RAF1: variants seen among roughly 807,000 people sequenced by gnomAD.
The protein encoded by RAF1 is Raf-1 proto-oncogene, serine/threonine kinase.
Under a neutral mutation model 81.1 loss-of-function variants are expected in RAF1, and 27 were observed. The ratio of observed to expected loss-of-function variants is 0.33; its 90% CI spans 0.25 to 0.46. The LOEUF is 0.46. Ranked by LOEUF, RAF1 falls within the 20% of genes least tolerant of loss-of-function variation. RAF1 has a pLI of 1.00. For synonymous variants in RAF1, 298 were observed against 294.0 expected (o/e 1.01, Z -0.14); for missense variants, 598 against 826.0 (o/e 0.72, Z 3.38).
At chr3:12,659,104 C>G (rs71306015) in intron 1 of RAF1, among the ~76,000 whole-genome samples, 1 of 152,026 alleles carries the variant, frequency 6.6e-6, no homozygotes, top group Non-Finnish European at 1.5e-5. Context: ...ACTTACAACT[C>G]TAAGGCAAGA....
chr3:12,655,010 C>CT (rs1453861144), intron 1 of RAF1, among the ~76,000 whole-genome samples: 102 of 149,348 alleles, frequency 6.8e-4, no homozygotes, highest in African/African-American at 2.1e-3. Flanking sequence ...ACCCCCCCCC[C>CT]GCCATCTCTA....
chr3:12,652,475 C>G (rs1248399052), intron 1 of RAF1, among the ~76,000 whole-genome samples: 1 of 151,934 alleles, frequency 6.6e-6, no homozygotes, highest in Non-Finnish European at 1.5e-5. Context: ...GAGCCAAGTT[C>G]GCACCACTGC....
rs779001930 is a variant in RAF1, at chr3:12,618,691, T to C, written c.31A>G (p.Ile11Val). 1.2e-6 allele frequency: 2 copies of C among 1,614,194 alleles called. No individual in the cohort carries two copies. The highest frequency in any genetic ancestry group is 8.5e-7 in the Non-Finnish European group (1 of 1,180,030). Residue 11 changes from isoleucine to valine, a missense_variant, in exon 2 of 18, where the codon ATC becomes GTC. Around this residue, in one of 5 missense-constraint regions of RAF1, gnomAD observed 83 missense variants for 72.3 expected, o/e 1.15. Coordinates refer to ENST00000442415, the MANE Select transcript of RAF1 (RefSeq NM_001354689.3). ...TCTTTGAATCCAAAACCATTGCTGA[T>C]CGTCTTCCAAGCTCCCTGTATGTGC...
At chr3:12,632,319 C>T (rs897468936) in intron 1 of RAF1, among the ~76,000 whole-genome samples, 33 of 80,566 alleles carry the variant, frequency 4.1e-4, no homozygotes, top group South Asian at 2.5e-3. Flanking sequence ...GGCAAAACTC[C>T]GTCTCAAAAA....
chr3:12,631,051 A>G (rs5746182), intron 1 of RAF1, among the ~76,000 whole-genome samples: 32,174 of 152,036 alleles, frequency 0.21, 3,662 homozygotes, highest in African/African-American at 0.29. Context: ...CAGGCTCACT[A>G]ACTCATGCCT....
At chr3:12,593,445 TCTCC>T (rs1194816526) in intron 11 of RAF1, among the ~76,000 whole-genome samples, 2 of 150,282 alleles carry the variant, frequency 1.3e-5, no homozygotes, top group African/African-American at 4.9e-5. Context: ...GCCCAAACTG[TCTCC>T]CTGTGATCTC....
intron 1 of RAF1, among the ~76,000 whole-genome samples, chr3:12,646,085 CTT>C (rs2060339454): frequency 6.6e-6 from 1 of 152,084 alleles, no homozygotes; most frequent in Non-Finnish European, 1.5e-5. Flanking sequence ...TTTTTTATAA[CTT>C]ATCCTTTCTT....
At chr3:12,638,984 G>A (rs1356510581) in intron 1 of RAF1, among the ~76,000 whole-genome samples, 1 of 151,514 alleles carries the variant, frequency 6.6e-6, no homozygotes, top group South Asian at 2.1e-4. Flanking sequence ...AACCAGCCTT[G>A]CATCCCAGGG....
At chr3:12,607,679 G>A (rs1211025685) in intron 5 of RAF1, among the ~76,000 whole-genome samples, 3 of 151,842 alleles carry the variant, frequency 2.0e-5, no homozygotes, top group East Asian at 1.9e-4. Context: ...AAGGCTGGGC[G>A]TGGTGGCTCA....
intron 1 of RAF1, among the ~76,000 whole-genome samples, chr3:12,627,246 A>G (rs2059731753): frequency 6.6e-6 from 1 of 152,182 alleles, no homozygotes; most frequent in African/African-American, 2.4e-5. Context: ...TCAGAAGCCT[A>G]CAATTTACTT....
intron 6 of RAF1, 125 bp from the exon 7 acceptor site, chr3:12,604,414 A>G (rs894411930): frequency 1.6e-5 from 17 of 1,031,316 alleles, no homozygotes; most frequent in Non-Finnish European, 2.4e-5. Context: ...CTTTGACAAA[A>G]TGTTTGATTC....
chr3:12,596,194 CTTTTTTTTTT>C (rs10575214), intron 11 of RAF1, among the ~76,000 whole-genome samples: 1 of 117,292 alleles, frequency 8.5e-6, no homozygotes, highest in African/African-American at 3.2e-5. Context: ...ATTTTTCTTT[CTTTTTTTTTT>C]TTTTTTTTGA....
chr3:12,626,940 C>T (rs531234908), intron 1 of RAF1, among the ~76,000 whole-genome samples: 47 of 149,192 alleles, frequency 3.2e-4, no homozygotes, highest in African/African-American at 1.0e-3. Flanking sequence ...AGGAGAATCG[C>T]TTGAACCCAG....
At chr3:12,645,461 A>T (rs1305783517) in intron 1 of RAF1, among the ~76,000 whole-genome samples, 1 of 152,206 alleles carries the variant, frequency 6.6e-6, no homozygotes, top group East Asian at 1.9e-4. Context: ...AGATACTCAG[A>T]CTTTACATCT....
intron 1 of RAF1, among the ~76,000 whole-genome samples, chr3:12,651,671 C>T (rs1244592437): frequency 7.2e-6 from 1 of 139,158 alleles, no homozygotes; most frequent in African/African-American, 2.6e-5. Context: ...AAAAAAGATA[C>T]ACGAATTGAT....
intron 1 of RAF1, among the ~76,000 whole-genome samples, chr3:12,631,801 G>A (rs1382650432): frequency 6.6e-6 from 1 of 152,156 alleles, no homozygotes; most frequent in Non-Finnish European, 1.5e-5. Context: ...TAAGCATGAA[G>A]GATGGGGATC....
intron 1 of RAF1, among the ~76,000 whole-genome samples, chr3:12,648,974 C>A (rs182889284): frequency 1.6e-3 from 238 of 152,148 alleles, no homozygotes; most frequent in African/African-American, 5.5e-3. Context: ...ATTACCCAGG[C>A]GTGGTGGCAC....
intron 1 of RAF1, among the ~76,000 whole-genome samples, chr3:12,658,018 T>C (rs2060755032): frequency 6.6e-6 from 1 of 152,216 alleles, no homozygotes; most frequent in Admixed American, 6.5e-5. Flanking sequence ...TGGTCTTTCC[T>C]GCATGGTTTC....
Position 12,606,181 on chromosome 3 carries a change from A to G in RAF1, c.680+20T>C. On this transcript the variant is annotated intron_variant, in intron 6 of 17. Coordinates refer to ENST00000442415, the MANE Select transcript of RAF1 (RefSeq NM_001354689.3). ...ACCCCAAATAACTTTCTAAAAGAAAAGCTATAGGTAAAAAATTACCTAACA... is the reference window on the plus strand; with the variant it reads ...ACCCCAAATAACTTTCTAAAAGAAAGGCTATAGGTAAAAAATTACCTAACA... 2.5e-6 allele frequency: 4 copies of G among 1,583,652 alleles called. No individual in the cohort carries two copies. The highest frequency in any genetic ancestry group is 3.5e-6 in the Non-Finnish European group (4 of 1,152,460).
Sources: allele counts gnomAD v4.1 joint callset (sites outside exome capture counted in the v4.1 genomes callset), GRCh38; gene constraint gnomAD v4.1.1; regional missense constraint gnomAD v4.1.1; transcripts MANE v1.5; gene names NCBI Gene and HGNC (gene_info 2026-07-23, HGNC 2026-07-21).